CYP2J2: variants seen among roughly 807,000 people sequenced by gnomAD.
CYP2J2 encodes the protein cytochrome P450 2J2.
CYP2J2 carries 41 observed loss-of-function variants against 48.8 expected under a neutral mutation model. That is an observed-to-expected ratio of 0.84 (90% CI 0.66 to 1.09). The LOEUF is 1.09. Ranked by LOEUF, CYP2J2 falls within the 50% of genes least tolerant of loss-of-function variation. CYP2J2 has a pLI of 0.00. For missense variants in CYP2J2, 644 were observed against 617.3 expected, an observed-to-expected ratio of 1.04 and a Z score of -0.46; for synonymous variants, 221 against 227.1, an observed-to-expected ratio of 0.97 and a Z score of 0.24.
Position 59,926,658 on chromosome 1 carries a change from AGCAGAAAG to A in CYP2J2, c.81_88del (p.Phe28ArgfsTer3). On this transcript the variant is annotated frameshift_variant, in exon 1 of 9. Coordinates refer to ENST00000371204, the MANE Select transcript of CYP2J2 (RefSeq NM_000775.4). LOFTEE classifies it high-confidence loss of function. ...CCGTCTTTTGAGAAAGTCAGCAGCG[AGCAGAAAG>A]GCGACAGTGCCCAGTAGGAGAGTCC... The A allele has an allele frequency of 6.2e-7, 1 of 1,614,202 alleles. No homozygotes were observed. Among genetic ancestry groups the A allele is most frequent in the Non-Finnish European group, 8.5e-7 (1 of 1,180,044 alleles).
At chr1:59,939,891 C>T in the CYP2J2 span, among the ~76,000 whole-genome samples, 1 of 152,168 alleles carries the variant, frequency 6.6e-6, no homozygotes, top group Non-Finnish European at 1.5e-5. Context: ...TGCTGGGCTA[C>T]CACCAATGTT....
At chr1:59,912,034 G>T (rs1307207235) in intron 3 of CYP2J2, 128 bp downstream of exon 3, 28 of 1,073,530 alleles carry the variant, frequency 2.6e-5, no homozygotes, top group Non-Finnish European at 3.2e-5. Context: ...GGACAGAGTT[G>T]TTCACTGTTC....
the CYP2J2 span, among the ~76,000 whole-genome samples, chr1:59,952,574 G>A: frequency 2.0e-5 from 3 of 152,284 alleles, no homozygotes; most frequent in African/African-American, 7.2e-5. Context: ...CCAGAAGGGG[G>A]AGACTGCTGC....
chr1:59,935,025 T>TATATATATATATATATATATAC, the CYP2J2 span, among the ~76,000 whole-genome samples: 165 of 85,814 alleles, frequency 1.9e-3, 3 homozygotes, highest in East Asian at 9.4e-3. Context: ...CATATATATA[T>TATATATATATATATATATATAC]ATATATATAT....
chr1:59,937,874 T>C, the CYP2J2 span, among the ~76,000 whole-genome samples: 1 of 152,064 alleles, frequency 6.6e-6, no homozygotes, highest in Non-Finnish European at 1.5e-5. Flanking sequence ...TATTCTTCAG[T>C]ATGTCAATTA....
intron 1 of CYP2J2, among the ~76,000 whole-genome samples, chr1:59,922,399 T>C (rs958772267): frequency 4.6e-5 from 7 of 152,230 alleles, no homozygotes; most frequent in Non-Finnish European, 1.0e-4. Flanking sequence ...TAGTACTTAA[T>C]GTTTCCCAAT....
chr1:59,946,180 T>C, the CYP2J2 span, among the ~76,000 whole-genome samples: 2 of 152,214 alleles, frequency 1.3e-5, no homozygotes, highest in Non-Finnish European at 2.9e-5. Context: ...GCTTTTGTGA[T>C]CTCTCTGACT....
chr1:59,910,678 A>G (rs927961688), intron 4 of CYP2J2, among the ~76,000 whole-genome samples: 3 of 152,166 alleles, frequency 2.0e-5, no homozygotes, highest in Non-Finnish European at 4.4e-5. Context: ...AAATCAAGGT[A>G]GTGAGGTAGT....
the CYP2J2 span, among the ~76,000 whole-genome samples, chr1:59,931,896 G>A: frequency 6.6e-6 from 1 of 152,028 alleles, no homozygotes; most frequent in South Asian, 2.1e-4. Context: ...GATAATTTGA[G>A]ATTTAAAAAT....
At chr1:59,950,723 T>G in the CYP2J2 span, among the ~76,000 whole-genome samples, 3 of 152,204 alleles carry the variant, frequency 2.0e-5, no homozygotes, top group Admixed American at 2.0e-4. Context: ...CAGTCCTGTG[T>G]GCACTGCCTG....
At position 59,893,358 on chromosome 1, in the gene CYP2J2, C is replaced by T. The variant is rs1644239508; in HGVS notation, c.*293G>A. On this transcript the variant is annotated 3_prime_UTR_variant, in exon 9 of 9. Transcript: ENST00000371204. The stretch of plus-strand genomic sequence containing the variant: ...TTTATGGTTTACAAACCACTTAAAG[C>T]TCACCATTTCTTTTGATTCTTACAA... 2 of 291,908 alleles carry T rather than the reference C, an allele frequency of 6.9e-6. No individual in the cohort carries two copies. The highest frequency in any genetic ancestry group is 5.1e-5 in the Admixed American group (1 of 19,428). 18.1% of individuals were successfully genotyped at this position (291,908 alleles called of 1,614,324 possible). A position where few individuals can be genotyped will look rare whatever the true frequency, so the allele number is the denominator to read the frequency against.
the CYP2J2 span, among the ~76,000 whole-genome samples, chr1:59,936,766 G>A: frequency 6.6e-6 from 1 of 152,178 alleles, no homozygotes; most frequent in Non-Finnish European, 1.5e-5. Context: ...CACGACATGG[G>A]ATCAGATATT....
the CYP2J2 span, among the ~76,000 whole-genome samples, chr1:59,952,559 C>A: frequency 3.9e-5 from 6 of 152,064 alleles, no homozygotes; most frequent in Non-Finnish European, 7.4e-5. Flanking sequence ...TAGGAAGAAC[C>A]CTTCCCAGAA....
At chr1:59,926,876 A>G, upstream of CYP2J2, 1 of 809,118 alleles carries the variant, frequency 1.2e-6, no homozygotes, top group Non-Finnish European at 1.9e-6. Flanking sequence ...CCCTGCGAAG[A>G]TGCCAGGCGC....
chr1:59,899,106 G>T (rs954537732), intron 8 of CYP2J2, among the ~76,000 whole-genome samples: 1 of 152,172 alleles, frequency 6.6e-6, no homozygotes, highest in African/African-American at 2.4e-5. Context: ...GGTTGCAGCT[G>T]GCATTAGGTG....
chr1:59,955,658 C>T, the CYP2J2 span, among the ~76,000 whole-genome samples: 1 of 151,962 alleles, frequency 6.6e-6, no homozygotes, highest in Admixed American at 6.6e-5. Flanking sequence ...ATTTTGGTAC[C>T]CAGACAACAA....
At chr1:59,896,258 T>C in intron 8 of CYP2J2, among the ~76,000 whole-genome samples, 1 of 151,990 alleles carries the variant, frequency 6.6e-6, no homozygotes, top group Non-Finnish European at 1.5e-5. Flanking sequence ...TATGTATGTA[T>C]ATAATGTGGG....
chr1:59,915,324 T>G (rs1011339527), intron 2 of CYP2J2, among the ~76,000 whole-genome samples: 1 of 152,214 alleles, frequency 6.6e-6, no homozygotes, highest in Admixed American at 6.5e-5. Context: ...TTGTCCCACT[T>G]GAGGAGAAAT....
chr1:59,960,030 C>T, the CYP2J2 span, among the ~76,000 whole-genome samples: 38 of 152,210 alleles, frequency 2.5e-4, 1 homozygote, highest in African/African-American at 6.7e-4. Flanking sequence ...CCACCTGCTC[C>T]CCCAAAACCT....
Sources: gnomAD v4.1 joint callset for allele counts (sites outside exome capture counted in the v4.1 genomes callset) on GRCh38, gnomAD v4.1.1 for gene constraint, MANE v1.5 for transcripts, NCBI Gene and HGNC (gene_info 2026-07-23, HGNC 2026-07-21) for gene names.